Variants in SCD5 observed in about 807,000 individuals in gnomAD.
SCD5 encodes stearoyl-CoA desaturase 5, also known as acyl-CoA-desaturase 4.
Under a neutral mutation model 30.4 loss-of-function variants are expected in SCD5, and 20 were observed. The ratio of observed to expected loss-of-function variants is 0.66; its 90% CI spans 0.46 to 0.96. The LOEUF (loss-of-function observed/expected upper bound fraction) is 0.96. SCD5 is among the 40% of genes least tolerant of loss of function. The pLI is 0.00. For missense variants in SCD5, 381 were observed against 443.3 expected (o/e 0.86, Z 1.26); for synonymous variants, 173 against 176.4 (o/e 0.98, Z 0.16).
At chr4:82,769,151 C>G (rs1721560634) in intron 1 of SCD5, among the ~76,000 whole-genome samples, 1 of 152,136 alleles carries the variant, frequency 6.6e-6, no homozygotes, top group Non-Finnish European at 1.5e-5. Context: ...TAGACTGGTT[C>G]TCCTTGAAGG....
At chr4:82,660,483 T>C in intron 3 of SCD5, 1 of 972,868 alleles carries the variant, frequency 1.0e-6, no homozygotes. Context: ...AAAGTTTTTA[T>C]AAATGGAATA....
chr4:82,719,216 C>G (rs1467985045), intron 1 of SCD5, among the ~76,000 whole-genome samples: 1 of 151,768 alleles, frequency 6.6e-6, no homozygotes, highest in Admixed American at 6.5e-5. Flanking sequence ...GCAACTTTTT[C>G]CAGGAACTAC....
intron 1 of SCD5, among the ~76,000 whole-genome samples, chr4:82,755,673 A>T (rs1721219762): frequency 6.6e-6 from 1 of 152,228 alleles, no homozygotes; most frequent in Non-Finnish European, 1.5e-5. Flanking sequence ...ACACCATCAG[A>T]TAATGTTTTT....
intron 1 of SCD5, among the ~76,000 whole-genome samples, chr4:82,750,631 T>C (rs1721081089): frequency 6.6e-6 from 1 of 150,644 alleles, no homozygotes; most frequent in African/African-American, 2.5e-5. Context: ...ACAAGAGAGC[T>C]GCTTGTAGCA....
At chr4:82,706,554 GC>G (rs781534503) in intron 1 of SCD5, among the ~76,000 whole-genome samples, 14 of 152,248 alleles carry the variant, frequency 9.2e-5, no homozygotes, top group Non-Finnish European at 2.1e-4. Context: ...ATGTGACCTG[GC>G]CCTGGCCTAG....
intron 1 of SCD5, among the ~76,000 whole-genome samples, chr4:82,790,408 A>C (rs867050871): frequency 1.3e-5 from 2 of 151,870 alleles, no homozygotes; most frequent in Non-Finnish European, 2.9e-5. Flanking sequence ...CACTCTACTC[A>C]CCAGCCACGC....
intron 1 of SCD5, among the ~76,000 whole-genome samples, chr4:82,769,419 C>T (rs968882727): frequency 4.6e-5 from 7 of 152,020 alleles, no homozygotes; most frequent in African/African-American, 7.2e-5. Context: ...TTTCCAGAGT[C>T]CATAATGTTT....
chr4:82,772,950 T>C (rs1286007003), intron 1 of SCD5, among the ~76,000 whole-genome samples: 1 of 152,170 alleles, frequency 6.6e-6, no homozygotes, highest in Non-Finnish European at 1.5e-5. Context: ...ACAAATAAAG[T>C]GGCTAGTTCA....
chr4:82,684,551 G>T (rs1728654493), intron 2 of SCD5, among the ~76,000 whole-genome samples: 1 of 152,144 alleles, frequency 6.6e-6, no homozygotes, highest in Non-Finnish European at 1.5e-5. Context: ...ACCTACCTGT[G>T]AATAGCATTT....
intron 1 of SCD5, among the ~76,000 whole-genome samples, chr4:82,711,108 C>T (rs1395767047): frequency 1.3e-5 from 2 of 152,034 alleles, no homozygotes; most frequent in East Asian, 1.9e-4. Context: ...AAATTGGAAC[C>T]GTGCCTGGCA....
chr4:82,694,666 C>T (rs773329077), intron 2 of SCD5, among the ~76,000 whole-genome samples: 4 of 150,940 alleles, frequency 2.7e-5, no homozygotes, highest in Non-Finnish European at 5.9e-5. Flanking sequence ...TCTGCAGATC[C>T]AGAAAAAAAA....
At chr4:82,758,253 A>C (rs917909406) in intron 1 of SCD5, among the ~76,000 whole-genome samples, 3 of 152,194 alleles carry the variant, frequency 2.0e-5, no homozygotes, top group East Asian at 3.9e-4. Context: ...ACTTGAGGCC[A>C]GGAGTTGAAC....
chr4:82,789,202 C>T (rs1722049145), intron 1 of SCD5, among the ~76,000 whole-genome samples: 1 of 152,168 alleles, frequency 6.6e-6, no homozygotes, highest in Non-Finnish European at 1.5e-5. Flanking sequence ...AATTAATTTT[C>T]TAGTCCATGA....
rs72661261 is a variant in SCD5 at position 82,690,842 on chromosome 4, T to C, written c.364-9930A>G. Among the ~76,000 whole-genome samples, 110 of 152,340 alleles carry C rather than the reference T, an allele frequency of 7.2e-4. No homozygotes were observed. In the South Asian group the frequency reaches 0.01, roughly 14 times the overall value. On this transcript the variant is annotated intron_variant, in intron 2 of 4. Coordinates refer to ENST00000319540, the MANE Select transcript of SCD5 (RefSeq NM_001037582.3). The stretch of plus-strand genomic sequence containing the variant: ...AGAAGATAAAGAACAAACAGGACAA[T>C]TGAGGCTGTGTCCTCAAAGAGTTTA...
At chr4:82,710,681 C>T (rs1720063632) in intron 1 of SCD5, among the ~76,000 whole-genome samples, 1 of 152,138 alleles carries the variant, frequency 6.6e-6, no homozygotes, top group African/African-American at 2.4e-5. Context: ...CTTTTCCAGT[C>T]AGTTCAAGTG....
At chr4:82,633,234 G>A (rs1389576285) in intron 4 of SCD5, among the ~76,000 whole-genome samples, 6 of 152,160 alleles carry the variant, frequency 3.9e-5, no homozygotes, top group South Asian at 4.1e-4. Flanking sequence ...ATCGTGCAGC[G>A]TTTGTCTTTC....
chr4:82,642,716 C>A (rs1277039082), intron 3 of SCD5, among the ~76,000 whole-genome samples: 1 of 152,246 alleles, frequency 6.6e-6, no homozygotes, highest in East Asian at 1.9e-4. Flanking sequence ...GCAGCCCTGA[C>A]TGCACATTAG....
At chr4:82,672,207 C>T (rs926636242) in intron 3 of SCD5, among the ~76,000 whole-genome samples, 1 of 151,794 alleles carries the variant, frequency 6.6e-6, no homozygotes, top group African/African-American at 2.4e-5. Context: ...AAAATTAGAG[C>T]AGAGAGAAAT....
chr4:82,730,360 G>A (rs1044348366), intron 1 of SCD5, among the ~76,000 whole-genome samples: 5 of 149,934 alleles, frequency 3.3e-5, no homozygotes, highest in African/African-American at 7.3e-5. Context: ...CCAGTGGCAC[G>A]ATCTTGGCTC....
Sources: allele counts gnomAD v4.1 joint callset (sites outside exome capture counted in the v4.1 genomes callset), GRCh38; gene constraint gnomAD v4.1.1; transcripts MANE v1.5; gene names NCBI Gene and HGNC (gene_info 2026-07-23, HGNC 2026-07-21).